EFCAB6: variants seen among roughly 807,000 people sequenced by gnomAD.
EFCAB6 encodes the protein EF-hand calcium binding domain 6, also known as EF-hand calcium-binding domain-containing protein 6.
In EFCAB6, 156 loss-of-function variants were observed where a neutral mutation model predicts 169.8. The observed-to-expected ratio is 0.92, with a 90% CI of 0.81 to 1.05. The LOEUF is 1.05. EFCAB6 is among the 50% of genes least tolerant of loss of function. The pLI is 0.00. For missense variants in EFCAB6, 1,800 were observed against 1,829.1 expected (o/e 0.98, Z 0.29); for synonymous variants, 698 against 676.4 (o/e 1.03, Z -0.50).
chr22:43,549,788 C>T (rs1348387199), intron 27 of EFCAB6, among the ~76,000 whole-genome samples: 1 of 152,204 alleles, frequency 6.6e-6, no homozygotes, highest in African/African-American at 2.4e-5. Flanking sequence ...GAATCCTGTA[C>T]TGCAAAATCA....
intron 2 of EFCAB6, among the ~76,000 whole-genome samples, chr22:43,787,396 TAAAC>T (rs1239062470): frequency 2.0e-5 from 3 of 149,332 alleles, no homozygotes; most frequent in Admixed American, 6.7e-5. Context: ...TTAGAACTAA[TAAAC>T]AAGTTCAATA....
At chr22:43,531,077 A>ATC in intron 30 of EFCAB6, 113 bp from the exon 31 acceptor site, 1 of 1,397,934 alleles carries the variant, frequency 7.2e-7, no homozygotes, top group Non-Finnish European at 9.8e-7. Flanking sequence ...TTCACCTCCC[A>ATC]ACCTGCTCCG....
At chr22:43,665,634 C>T (rs1463285002) in intron 17 of EFCAB6, among the ~76,000 whole-genome samples, 7 of 152,170 alleles carry the variant, frequency 4.6e-5, no homozygotes, top group East Asian at 1.9e-4. Flanking sequence ...GATTGGCACT[C>T]GTTTAGTTTT....
chr22:43,737,984 GCA>G (rs372030220), intron 6 of EFCAB6, among the ~76,000 whole-genome samples: 5 of 137,968 alleles, frequency 3.6e-5, no homozygotes, highest in African/African-American at 1.4e-4. Context: ...ACATATATTC[GCA>G]CATATATTCA....
intron 8 of EFCAB6, among the ~76,000 whole-genome samples, chr22:43,719,820 C>T (rs561797009): frequency 5.3e-5 from 8 of 152,168 alleles, no homozygotes; most frequent in South Asian, 2.1e-4. Flanking sequence ...GTATTAGCTA[C>T]GTATTGATTC....
chr22:43,601,450 T>C (rs916989893), intron 22 of EFCAB6, among the ~76,000 whole-genome samples: 5 of 152,266 alleles, frequency 3.3e-5, no homozygotes, highest in Non-Finnish European at 7.3e-5. Context: ...GGAATGAGAC[T>C]ATATTTAAAC....
intron 17 of EFCAB6, among the ~76,000 whole-genome samples, chr22:43,664,953 G>T (rs938643724): frequency 6.6e-6 from 1 of 152,142 alleles, no homozygotes; most frequent in Non-Finnish European, 1.5e-5. Context: ...GGAGATGCTG[G>T]GGGGAGCAGT....
chr22:43,750,417 C>T (rs1455060780), intron 6 of EFCAB6, among the ~76,000 whole-genome samples: 2 of 152,110 alleles, frequency 1.3e-5, no homozygotes, highest in Admixed American at 1.3e-4. Flanking sequence ...GGCTTTTCTG[C>T]GGGGAGGAAA....
At position 43,724,371 on chromosome 22, in the gene EFCAB6, T is replaced by TC. The variant is rs1569443774; in HGVS notation, c.757+7327_757+7328insG. ...TACTGTCAATATTTCTTTTTTCTTT[T>TC]TTTTTTTTTTTTTTGAGAAGGAGTC... On this transcript the variant is annotated intron_variant, in intron 8 of 31. Coordinates refer to ENST00000262726, the MANE Select transcript of EFCAB6 (RefSeq NM_022785.4). Among the ~76,000 whole-genome samples, 4 of 147,634 alleles carry TC rather than the reference T, an allele frequency of 2.7e-5. 1 individual carries two copies. In the South Asian group the frequency reaches 8.7e-4, roughly 32 times the overall value.
chr22:43,745,862 A>G (rs2060543733), intron 6 of EFCAB6, among the ~76,000 whole-genome samples: 1 of 152,254 alleles, frequency 6.6e-6, no homozygotes, highest in Non-Finnish European at 1.5e-5. Context: ...CTGTGCAGAT[A>G]TGAAGCACTA....
chr22:43,684,668 C>G (rs1232766310), intron 11 of EFCAB6, among the ~76,000 whole-genome samples: 1 of 152,212 alleles, frequency 6.6e-6, no homozygotes, highest in Non-Finnish European at 1.5e-5. Flanking sequence ...TGTGCAGAAA[C>G]AATAAGCCTA....
At chr22:43,769,599 A>T (rs1212256902) in intron 4 of EFCAB6, among the ~76,000 whole-genome samples, 1 of 151,630 alleles carries the variant, frequency 6.6e-6, no homozygotes, top group Non-Finnish European at 1.5e-5. Context: ...TAAAGGGGAA[A>T]TTTTTTTTTA....
intron 9 of EFCAB6, among the ~76,000 whole-genome samples, chr22:43,712,940 A>T (rs1603265148): frequency 1.3e-5 from 2 of 151,958 alleles, no homozygotes; most frequent in East Asian, 3.9e-4. Context: ...GCCTTTGTTT[A>T]AAAAAAATGC....
At chr22:43,714,097 A>G (rs914597538) in intron 9 of EFCAB6, among the ~76,000 whole-genome samples, 5 of 152,238 alleles carry the variant, frequency 3.3e-5, no homozygotes, top group Admixed American at 6.5e-5. Flanking sequence ...AATATTTCAA[A>G]GCTAAGAAAA....
intron 4 of EFCAB6, among the ~76,000 whole-genome samples, chr22:43,772,655 A>G (rs916818044): frequency 7.9e-5 from 12 of 151,898 alleles, no homozygotes; most frequent in East Asian, 1.9e-4. Flanking sequence ...AAAAAAAAAA[A>G]AAAGAAAGAA....
At chr22:43,770,907 C>T (rs530273445) in intron 4 of EFCAB6, among the ~76,000 whole-genome samples, 2 of 111,452 alleles carry the variant, frequency 1.8e-5, no homozygotes, top group Non-Finnish European at 3.6e-5. Context: ...TAGAACTGTA[C>T]TTTTTTTTAA....
intron 27 of EFCAB6, among the ~76,000 whole-genome samples, chr22:43,550,188 G>T (rs2048301923): frequency 6.6e-6 from 1 of 152,088 alleles, no homozygotes; most frequent in Non-Finnish European, 1.5e-5. Flanking sequence ...GAGCCTGGGG[G>T]GTACTGTGCA....
chr22:43,738,319 CAT>C (rs1019333764), intron 6 of EFCAB6, among the ~76,000 whole-genome samples: 1 of 151,338 alleles, frequency 6.6e-6, no homozygotes, highest in African/African-American at 2.4e-5. Context: ...GTCACTCACA[CAT>C]ATATATTCAC....
chr22:43,607,389 C>G (rs1443164470), intron 22 of EFCAB6, among the ~76,000 whole-genome samples: 1 of 152,124 alleles, frequency 6.6e-6, no homozygotes, highest in Non-Finnish European at 1.5e-5. Flanking sequence ...CATTCTGTGC[C>G]CTGACAGCTC....
Sources: gnomAD v4.1 joint callset for allele counts (sites outside exome capture counted in the v4.1 genomes callset) on GRCh38, gnomAD v4.1.1 for gene constraint, MANE v1.5 for transcripts, NCBI Gene and HGNC (gene_info 2026-07-23, HGNC 2026-07-21) for gene names.